FAM3C: variants seen among roughly 807,000 people sequenced by gnomAD.
FAM3C encodes protein FAM3C.
Under a neutral mutation model 32.5 loss-of-function variants are expected in FAM3C, and 15 were observed. The observed-to-expected ratio is 0.46, with a 90% confidence interval of 0.31 to 0.71. FAM3C has a LOEUF of 0.71. Ranked by LOEUF, FAM3C falls within the 30% of genes least tolerant of loss-of-function variation. FAM3C has a pLI of 0.05. For synonymous variants in FAM3C, 75 were observed against 86.1 expected, an observed-to-expected ratio of 0.87 and a Z score of 0.72; for missense variants, 175 against 274.4, an observed-to-expected ratio of 0.64 and a Z score of 2.56.
intron 1 of FAM3C, among the ~76,000 whole-genome samples, chr7:121,386,872 G>T (rs1244999161): frequency 6.6e-6 from 1 of 151,814 alleles, no homozygotes; most frequent in Non-Finnish European, 1.5e-5. Context: ...GAGTCACTAG[G>T]GTAGGTTACT....
intron 3 of FAM3C, among the ~76,000 whole-genome samples, chr7:121,375,320 G>A (rs1287027008): frequency 3.3e-5 from 5 of 152,176 alleles, no homozygotes; most frequent in Non-Finnish European, 7.3e-5. Flanking sequence ...GGTCAGGGTT[G>A]AAAGGACAGG....
chr7:121,371,505 C>G (rs756382599), intron 4 of FAM3C, 82 bp from the exon 5 acceptor site: 241 of 1,392,096 alleles, frequency 1.7e-4, no homozygotes, highest in Non-Finnish European at 2.3e-4. Flanking sequence ...TCTCAAACCA[C>G]AAAGAGCATT....
intron 6 of FAM3C, among the ~76,000 whole-genome samples, chr7:121,363,837 T>C (rs897847148): frequency 6.6e-6 from 1 of 152,158 alleles, no homozygotes; most frequent in Non-Finnish European, 1.5e-5. Flanking sequence ...CTTCCTATTA[T>C]GTTAGGATTC....
intron 8 of FAM3C, among the ~76,000 whole-genome samples, chr7:121,356,862 G>A (rs1369851689): frequency 6.6e-6 from 1 of 152,076 alleles, no homozygotes. Context: ...GTGGAAAGTA[G>A]GTATCATTAG....
intron 9 of FAM3C, among the ~76,000 whole-genome samples, chr7:121,350,879 A>C (rs1217953392): frequency 6.6e-6 from 1 of 152,148 alleles, no homozygotes; most frequent in African/African-American, 2.4e-5. Context: ...TTAATAACTA[A>C]AGCTTCCGAA....
At chr7:121,371,997 G>A (rs1794156763) in intron 4 of FAM3C, 113 bp downstream of exon 4, 1 of 729,060 alleles carries the variant, frequency 1.4e-6, no homozygotes, top group Non-Finnish European at 2.3e-6. Context: ...ACTTTAAAAA[G>A]CAATTTCTAA....
At chr7:121,359,323 A>G (rs1793876339) in intron 8 of FAM3C, among the ~76,000 whole-genome samples, 1 of 152,058 alleles carries the variant, frequency 6.6e-6, no homozygotes. Context: ...CAGGTTATAA[A>G]TCATGACATT....
In FAM3C at chr7:121,376,282, T is replaced by G. The variant is rs562285322; in HGVS notation, c.118+2628A>C. Among the ~76,000 whole-genome samples, 27 of 152,252 alleles carry G rather than the reference T, an allele frequency of 1.8e-4. No individual in the cohort carries two copies. In the South Asian group the frequency reaches 2.5e-3, roughly 14 times the overall value. On this transcript the variant is annotated intron_variant, in intron 3 of 9. Transcript: ENST00000359943. ...AAAATAACCAGTTTATCAAGAGAAATGGCTGAAAGGGAGGATTCTGTTACT... is the reference window on the plus strand; with the variant it reads ...AAAATAACCAGTTTATCAAGAGAAAGGGCTGAAAGGGAGGATTCTGTTACT...
intron 5 of FAM3C, among the ~76,000 whole-genome samples, chr7:121,366,396 G>A (rs550810481): frequency 6.6e-6 from 1 of 152,026 alleles, no homozygotes. Flanking sequence ...ATAACATGGA[G>A]GAAGCCTGAA....
At chr7:121,381,783 G>A (rs1002234779) in intron 2 of FAM3C, among the ~76,000 whole-genome samples, 8 of 151,898 alleles carry the variant, frequency 5.3e-5, no homozygotes, top group East Asian at 1.9e-4. Flanking sequence ...CAATTGTACC[G>A]TTACTTTTTT....
At chr7:121,350,996 A>G in intron 9 of FAM3C, 147 bp downstream of exon 9, 1 of 804,146 alleles carries the variant, frequency 1.2e-6, no homozygotes, top group South Asian at 2.2e-5. Context: ...AGTTATTTCA[A>G]ATAACTGATT....
chr7:121,382,990 G>T lies in FAM3C; in HGVS notation c.-21C>A. Reference sequence around the variant, plus strand: ...CTCATGTTTGGTTTTTCAGTTTATGGCACTTTTCATTAATATGCTCCTAAA... The same window carrying T: ...CTCATGTTTGGTTTTTCAGTTTATGTCACTTTTCATTAATATGCTCCTAAA... On this transcript the variant is annotated 5_prime_UTR_variant, in exon 2 of 10. Coordinates refer to ENST00000359943, the MANE Select transcript of FAM3C (RefSeq NM_014888.3). 1 of 1,592,144 alleles carries T rather than the reference G, an allele frequency of 6.3e-7. No homozygotes were observed. Among genetic ancestry groups the T allele is most frequent in the Non-Finnish European group, 8.6e-7 (1 of 1,164,616 alleles).
intron 1 of FAM3C, among the ~76,000 whole-genome samples, chr7:121,390,846 T>TGTGGG: frequency 8.2e-4 from 3 of 3,668 alleles, no homozygotes; most frequent in African/African-American, 5.0e-3. Flanking sequence ...GGAAAGGCTG[T>TGTGGG]GTGGGGCGGG....
intron 2 of FAM3C, among the ~76,000 whole-genome samples, chr7:121,379,231 C>A (rs1261237979): frequency 6.6e-6 from 1 of 151,994 alleles, no homozygotes. Context: ...TCTAGCTATC[C>A]AAAGGACTGC....
chr7:121,353,268 C>G (rs1349344328), intron 8 of FAM3C, among the ~76,000 whole-genome samples: 3 of 152,188 alleles, frequency 2.0e-5, no homozygotes, highest in Non-Finnish European at 4.4e-5. Flanking sequence ...GAAGGGCAGT[C>G]AGGCATTCTT....
intron 1 of FAM3C, among the ~76,000 whole-genome samples, chr7:121,389,975 C>T (rs1794543513): frequency 6.6e-6 from 1 of 152,116 alleles, no homozygotes; most frequent in South Asian, 2.1e-4. Flanking sequence ...ACCTAAGTTG[C>T]ATTTTAAAAC....
At chr7:121,356,463 T>C (rs1793811684) in intron 8 of FAM3C, among the ~76,000 whole-genome samples, 2 of 152,188 alleles carry the variant, frequency 1.3e-5, no homozygotes, top group African/African-American at 2.4e-5. Flanking sequence ...CACTTACTGT[T>C]TTGTTGTTCC....
In FAM3C at chr7:121,393,600, G is replaced by C. The variant is rs555377571; in HGVS notation, c.-42+2562C>G. On this transcript the variant is annotated intron_variant, in intron 1 of 9. Coordinates refer to ENST00000359943, the MANE Select transcript of FAM3C (RefSeq NM_014888.3). ...ATATAAGAATAGCTTCAATCAAATG[G>C]AGCAGGCCAATGAAGAAGAAAAAGA... Among the ~76,000 whole-genome samples the C allele has an allele frequency of 1.1e-4, 17 of 152,188 alleles. No homozygotes were observed. In the South Asian group the frequency reaches 3.5e-3, roughly 32 times the overall value.
chr7:121,371,302 A>G lies in FAM3C; in HGVS notation c.270T>C (p.Asn90=). ...GTCTCAAGTCAACAAAGACTTACACATTATCTTCCAGGCAGATTTTGGGTC... is the reference window on the plus strand; with the variant it reads ...GTCTCAAGTCAACAAAGACTTACACGTTATCTTCCAGGCAGATTTTGGGTC... The part of the protein sequence containing the change: ...VVGPKICLED[N]VLMSGVKNNV... Residue 90 remains asparagine (N), a splice_region_variant and synonymous_variant, in exon 5 of 10, where the codon AAT becomes AAC. Transcript: ENST00000359943. The G allele has an allele frequency of 1.9e-6, 3 of 1,612,826 alleles. No individual in the cohort carries two copies. Among genetic ancestry groups the G allele is most frequent in the Non-Finnish European group, 2.5e-6 (3 of 1,179,814 alleles).
Sources: gnomAD v4.1 joint callset for allele counts (sites outside exome capture counted in the v4.1 genomes callset) on GRCh38, gnomAD v4.1.1 for gene constraint, MANE v1.5 for transcripts, NCBI Gene and HGNC (gene_info 2026-07-23, HGNC 2026-07-21) for gene names.